Variants in SCARA3 observed in about 807,000 individuals in gnomAD.
The protein encoded by SCARA3 is scavenger receptor class A member 3.
Under a neutral mutation model 47.0 loss-of-function variants are expected in SCARA3, and 39 were observed. That is an observed-to-expected ratio of 0.83 (90% confidence interval 0.64 to 1.08). SCARA3 has a LOEUF of 1.08. Ranked by LOEUF, SCARA3 falls within the 50% of genes least tolerant of loss-of-function variation. SCARA3 has a pLI of 0.00. For synonymous variants in SCARA3, 356 were observed against 334.1 expected (o/e 1.07, Z -0.71); for missense variants, 724 against 792.3 (o/e 0.91, Z 1.04).
intron 1 of SCARA3, among the ~76,000 whole-genome samples, chr8:27,646,468 G>A (rs1002984879): frequency 6.6e-6 from 1 of 152,342 alleles, no homozygotes; most frequent in East Asian, 1.9e-4. Context: ...GCTATAAACA[G>A]TGAAGTGATG....
At chr8:27,678,967 C>T (rs1163887628), downstream of SCARA3, among the ~76,000 whole-genome samples, 1 of 152,148 alleles carries the variant, frequency 6.6e-6, no homozygotes, top group Non-Finnish European at 1.5e-5. Context: ...GCGGGCAGAT[C>T]ACCTGAGCTC....
chr8:27,665,655 G>A (rs1429459919), intron 5 of SCARA3, among the ~76,000 whole-genome samples: 1 of 152,186 alleles, frequency 6.6e-6, no homozygotes, highest in African/African-American at 2.4e-5. Flanking sequence ...ACAGGCAAGA[G>A]CCATCACACC....
rs1318012995 is a variant in SCARA3, at chr8:27,659,276, A to G, written c.1106A>G (p.Asn369Ser). 1.9e-6 allele frequency: 3 copies of G among 1,614,090 alleles called. No individual in the cohort carries two copies. The highest frequency in any genetic ancestry group is 1.7e-6 in the Non-Finnish European group (2 of 1,180,024). The change falls in exon 5 of 6, where the codon AAC (asparagine) becomes AGC (serine). Residue 369 changes from asparagine to serine, a missense_variant. Transcript: ENST00000301904. ...TIFTNINATDNHVHSMLKYLD... is the reference protein window; with the variant it reads ...TIFTNINATDSHVHSMLKYLD... The stretch of plus-strand genomic sequence containing the variant: ...TTCACCAACATCAATGCCACCGACA[A>G]CCACGTGCACAGCATGCTCAAGTAC...
chr8:27,670,027 G>T (rs35018619), intron 5 of SCARA3, among the ~76,000 whole-genome samples: 15,866 of 152,140 alleles, frequency 0.1, 933 homozygotes, highest in East Asian at 0.26. Context: ...AGGACATGAG[G>T]TCATCAGTCC....
chr8:27,674,714 C>A (rs1802236361), downstream of SCARA3, among the ~76,000 whole-genome samples: 1 of 143,726 alleles, frequency 7.0e-6, no homozygotes, highest in Non-Finnish European at 1.5e-5. Flanking sequence ...GGGCCTCTTT[C>A]TTTTCTCTCT....
the SCARA3 span, among the ~76,000 whole-genome samples, chr8:27,690,269 C>G: frequency 6.6e-6 from 1 of 150,500 alleles, no homozygotes; most frequent in Non-Finnish European, 1.5e-5. Flanking sequence ...CCCACCTAGT[C>G]AGCACATGAG....
chr8:27,671,658 G>GCACACACACATGCA lies in SCARA3; in HGVS notation c.*312_*325dup, dbSNP rs1468517637. 7.2e-6 allele frequency: 8 copies of GCACACACACATGCA among 1,116,610 alleles called. No individual in the cohort carries two copies. In the East Asian group the frequency reaches 3.2e-4, roughly 45 times the overall value. The allele number at this position is 1,116,610 out of a possible 1,614,324, so 69.2% of individuals were successfully genotyped here. A position where few individuals can be genotyped will look rare whatever the true frequency, so the allele number is the denominator to read the frequency against. On this transcript the variant is annotated 3_prime_UTR_variant, in exon 6 of 6. Coordinates refer to ENST00000301904, the MANE Select transcript of SCARA3 (RefSeq NM_016240.3). ...TACATGCATGCACACACACATGCAC[G>GCACACACACATGCA]CACACACACATGCACACATACACGT...
At chr8:27,682,905 G>T in the SCARA3 span, among the ~76,000 whole-genome samples, 1 of 151,798 alleles carries the variant, frequency 6.6e-6, no homozygotes, top group Non-Finnish European at 1.5e-5. Context: ...CTCTCAAATA[G>T]TCTAGCCATT....
At chr8:27,727,303 C>A in the SCARA3 span, among the ~76,000 whole-genome samples, 1 of 152,190 alleles carries the variant, frequency 6.6e-6, no homozygotes, top group East Asian at 1.9e-4. Context: ...AGGCAAAGAG[C>A]TTTGAAACCC....
At chr8:27,639,451 G>A (rs531049721) in intron 1 of SCARA3, among the ~76,000 whole-genome samples, 1 of 152,250 alleles carries the variant, frequency 6.6e-6, no homozygotes, top group South Asian at 2.1e-4. Flanking sequence ...AGTTGGATGG[G>A]GTCAGTGAAG....
the SCARA3 span, among the ~76,000 whole-genome samples, chr8:27,717,279 CAGATGTGGGTATAGCTAT>C: frequency 1.3e-5 from 2 of 152,134 alleles, no homozygotes; most frequent in African/African-American, 4.8e-5. Context: ...GATACAGATA[CAGATGTGGGTATAGCTAT>C]AGATGTGGGT....
At chr8:27,676,935 G>T (rs1802286741), downstream of SCARA3, among the ~76,000 whole-genome samples, 1 of 152,122 alleles carries the variant, frequency 6.6e-6, no homozygotes, top group Non-Finnish European at 1.5e-5. Context: ...ACCCAGATTT[G>T]TAATATGATG....
chr8:27,712,591 A>G, the SCARA3 span, among the ~76,000 whole-genome samples: 5 of 146,744 alleles, frequency 3.4e-5, no homozygotes, highest in African/African-American at 1.2e-4. Context: ...AGATTCTTCC[A>G]TGTTTTTTCA....
intron 3 of SCARA3, among the ~76,000 whole-genome samples, chr8:27,652,830 C>G (rs567460466): frequency 6.6e-6 from 1 of 152,254 alleles, no homozygotes; most frequent in Admixed American, 6.5e-5. Context: ...AATACTAGTG[C>G]CAGAGTACCC....
intron 2 of SCARA3, 136 bp downstream of exon 2, chr8:27,649,936 G>GT (rs1801596575): frequency 1.4e-6 from 1 of 703,582 alleles, no homozygotes; most frequent in East Asian, 2.7e-5. Flanking sequence ...CTTCCTGGAT[G>GT]GTGAAAGGGC....
chr8:27,721,112 C>G, the SCARA3 span, among the ~76,000 whole-genome samples: 1 of 149,804 alleles, frequency 6.7e-6, no homozygotes, highest in African/African-American at 2.4e-5. Context: ...CTCCCTCCCT[C>G]CCCACCTCCC....
At chr8:27,666,823 C>T (rs1383276684) in intron 5 of SCARA3, among the ~76,000 whole-genome samples, 1 of 152,108 alleles carries the variant, frequency 6.6e-6, no homozygotes, top group Non-Finnish European at 1.5e-5. Flanking sequence ...ACCCCACCCC[C>T]TCCTCCCTAT....
At chr8:27,687,331 T>C in the SCARA3 span, among the ~76,000 whole-genome samples, 1 of 152,330 alleles carries the variant, frequency 6.6e-6, no homozygotes, top group Non-Finnish European at 1.5e-5. Flanking sequence ...CAGAGCCTGA[T>C]GCCAATATTA....
the SCARA3 span, chr8:27,701,192 C>T: frequency 6.6e-6 from 1 of 151,994 alleles, no homozygotes; most frequent in South Asian, 2.1e-4. Context: ...CTGTATTATT[C>T]CATTGAGATG....
Sources: allele counts gnomAD v4.1 joint callset (sites outside exome capture counted in the v4.1 genomes callset), GRCh38; gene constraint gnomAD v4.1.1; transcripts MANE v1.5; gene names NCBI Gene and HGNC (gene_info 2026-07-23, HGNC 2026-07-21).